The following LAMA2 variants were observed in gnomAD, a reference collection of about 807,000 sequenced individuals.
The protein encoded by LAMA2 is laminin subunit alpha 2, also known as laminin subunit alpha-2.
In LAMA2, 269 loss-of-function variants were observed where a neutral mutation model predicts 364.8. The observed-to-expected ratio is 0.74, with a 90% confidence interval of 0.67 to 0.82. The LOEUF (loss-of-function observed/expected upper bound fraction) is 0.82, where lower values mean the gene tolerates loss of function less well. Ranked by LOEUF, LAMA2 falls within the 40% of genes least tolerant of loss-of-function variation. LAMA2 has a pLI of 0.00. For synonymous variants in LAMA2, 1,379 were observed against 1,370.6 expected, an observed-to-expected ratio of 1.01 and a Z score of -0.14; for missense variants, 3,807 against 3,873.2, an observed-to-expected ratio of 0.98 and a Z score of 0.45.
At chr6:129,042,977 T>A (rs1787211450) in intron 1 of LAMA2, among the ~76,000 whole-genome samples, 1 of 152,190 alleles carries the variant, frequency 6.6e-6, no homozygotes, top group African/African-American at 2.4e-5. Flanking sequence ...ATGAACATTT[T>A]TGTTTAGGTC....
chr6:129,462,421 G>A (rs1038263645), intron 49 of LAMA2, among the ~76,000 whole-genome samples: 2 of 151,890 alleles, frequency 1.3e-5, no homozygotes, highest in Admixed American at 6.6e-5. Flanking sequence ...GGAAATGTTC[G>A]TGGCCCACGT....
At chr6:129,013,974 A>G (rs1784924917) in intron 1 of LAMA2, among the ~76,000 whole-genome samples, 1 of 152,196 alleles carries the variant, frequency 6.6e-6, no homozygotes, top group African/African-American at 2.4e-5. Context: ...TTAATGGCCC[A>G]GAGGTCTGGG....
intron 12 of LAMA2, among the ~76,000 whole-genome samples, chr6:129,247,510 G>T (rs1459894087): frequency 2.0e-5 from 3 of 152,170 alleles, no homozygotes; most frequent in African/African-American, 4.8e-5. Context: ...TTATATAAAT[G>T]TGATCATAAA....
intron 1 of LAMA2, among the ~76,000 whole-genome samples, chr6:128,981,002 C>T (rs538028869): frequency 2.7e-4 from 41 of 152,228 alleles, no homozygotes; most frequent in Non-Finnish European, 4.7e-4. Context: ...TCACTTACCT[C>T]AAACTAAACA....
chr6:129,208,779 A>G (rs544665717), intron 12 of LAMA2, among the ~76,000 whole-genome samples: 1 of 152,094 alleles, frequency 6.6e-6, no homozygotes, highest in Non-Finnish European at 1.5e-5. Context: ...AGGGCAAGGA[A>G]AGGAAAACAA....
At chr6:129,340,165 T>C (rs1486577945) in intron 29 of LAMA2, among the ~76,000 whole-genome samples, 2 of 152,162 alleles carry the variant, frequency 1.3e-5, no homozygotes, top group African/African-American at 2.4e-5. Flanking sequence ...TTATGTTTAA[T>C]GGTGAAACCA....
chr6:129,237,807 C>T (rs947639792), intron 12 of LAMA2, among the ~76,000 whole-genome samples: 3 of 151,956 alleles, frequency 2.0e-5, no homozygotes, highest in Non-Finnish European at 4.4e-5. Context: ...TCCCTAAACC[C>T]CTCTCTAATA....
In LAMA2 at chr6:129,402,370, T is replaced by C; in HGVS notation, c.5609T>C (p.Leu1870Pro). 2.5e-6 allele frequency: 4 copies of C among 1,614,004 alleles called. No homozygotes were observed. Among genetic ancestry groups the C allele is most frequent in the Non-Finnish European group, 3.4e-6 (4 of 1,179,960 alleles). The change falls in exon 39 of 65, where the codon CTT becomes CCT. Residue 1870 changes from leucine (L) to proline (P), a missense_variant. This residue lies in a region of LAMA2 where 3,333 missense variants were observed against 3,345.7 expected (regional missense o/e 1.00). Transcript: ENST00000421865. ...QTKLPPMSEE[L>P]NDKIDDLSQE... Reference sequence around the variant, plus strand: ...AAATTGCCACCTATGTCTGAGGAGCTTAATGATAAAATAGATGACCTCTCC... The same window carrying C: ...AAATTGCCACCTATGTCTGAGGAGCCTAATGATAAAATAGATGACCTCTCC...
chr6:129,115,740 G>A (rs1776438230), intron 4 of LAMA2, among the ~76,000 whole-genome samples: 1 of 152,060 alleles, frequency 6.6e-6, no homozygotes, highest in Non-Finnish European at 1.5e-5. Flanking sequence ...TCTTGGTCCA[G>A]CAATCAATAG....
chr6:129,098,537 C>T, intron 4 of LAMA2, 122 bp downstream of exon 4: 1 of 1,151,454 alleles, frequency 8.7e-7, no homozygotes, highest in Non-Finnish European at 1.3e-6. Context: ...AGCAAAAGTA[C>T]ATTTAAATGA....
At chr6:129,230,405 G>T (rs917500157) in intron 12 of LAMA2, among the ~76,000 whole-genome samples, 1 of 152,078 alleles carries the variant, frequency 6.6e-6, no homozygotes, top group African/African-American at 2.4e-5. Context: ...TAAGAAGAAA[G>T]AATATGGAGA....
At chr6:129,106,521 G>A (rs78559352) in intron 4 of LAMA2, among the ~76,000 whole-genome samples, 11 of 152,116 alleles carry the variant, frequency 7.2e-5, no homozygotes, top group African/African-American at 2.6e-4. Flanking sequence ...AGAAATTTAG[G>A]TAAATAATTA....
intron 12 of LAMA2, among the ~76,000 whole-genome samples, chr6:129,199,118 C>A (rs1401006970): frequency 2.0e-5 from 3 of 151,988 alleles, no homozygotes; most frequent in Non-Finnish European, 4.4e-5. Flanking sequence ...ATATTAACAA[C>A]CCAAATCCAT....
intron 1 of LAMA2, among the ~76,000 whole-genome samples, chr6:128,969,187 T>G (rs1160924645): frequency 6.6e-6 from 1 of 152,146 alleles, no homozygotes; most frequent in Non-Finnish European, 1.5e-5. Context: ...GGAGGGAAGA[T>G]GACAGACGGA....
intron 1 of LAMA2, among the ~76,000 whole-genome samples, chr6:128,891,101 T>C (rs1342384353): frequency 2.0e-5 from 3 of 152,092 alleles, no homozygotes; most frequent in Admixed American, 2.0e-4. Flanking sequence ...TAGTATGTTT[T>C]CTGTTTGATT....
Position 129,439,066 on chromosome 6 carries a change from A to ACC in LAMA2, c.6085+312_6085+313dup, listed in dbSNP as rs142125733. Among the ~76,000 whole-genome samples the ACC allele has an allele frequency of 0.015, 2,174 of 145,852 alleles. 57 individuals are homozygous for ACC. Among genetic ancestry groups the ACC allele is most frequent in the African/African-American group, 0.052 (2,061 of 39,738 alleles). The stretch of plus-strand genomic sequence containing the variant: ...GTATTGGCAGGGGATTGGTTCCAGG[A>ACC]CCCCCCCCCACAGATATCAAAATTC... On this transcript the variant is annotated intron_variant, in intron 42 of 64. Transcript: ENST00000421865.
chr6:129,120,207 G>A (rs1018356031), intron 4 of LAMA2, among the ~76,000 whole-genome samples: 2 of 152,064 alleles, frequency 1.3e-5, no homozygotes, highest in African/African-American at 2.4e-5. Flanking sequence ...ATTTGTGTCC[G>A]AAAGTCACAA....
At chr6:128,908,382 G>A (rs974712610) in intron 1 of LAMA2, among the ~76,000 whole-genome samples, 8 of 150,792 alleles carry the variant, frequency 5.3e-5, no homozygotes, top group African/African-American at 1.7e-4. Context: ...ATGTGTCGAG[G>A]AATTTATCCA....
intron 7 of LAMA2, among the ~76,000 whole-genome samples, chr6:129,152,364 G>A (rs957594305): frequency 6.6e-6 from 1 of 152,136 alleles, no homozygotes; most frequent in African/African-American, 2.4e-5. Context: ...ATCTACTAGA[G>A]GAAAAGTCAT....
Sources: gnomAD v4.1 joint callset for allele counts (sites outside exome capture counted in the v4.1 genomes callset) on GRCh38, gnomAD v4.1.1 for gene constraint, gnomAD v4.1.1 regional missense constraint, MANE v1.5 for transcripts, NCBI Gene and HGNC (gene_info 2026-07-23, HGNC 2026-07-21) for gene names.